Variants in VPS13B observed in about 807,000 individuals in gnomAD.
VPS13B encodes vacuolar protein sorting 13 homolog B.
In VPS13B, 285 loss-of-function variants were observed where a neutral mutation model predicts 426.4. The observed-to-expected ratio is 0.67, with a 90% CI of 0.61 to 0.74. The LOEUF (loss-of-function observed/expected upper bound fraction) is 0.74, where lower values mean the gene tolerates loss of function less well. Ranked by LOEUF, VPS13B falls within the 30% of genes least tolerant of loss-of-function variation. The pLI, the probability that VPS13B is intolerant of heterozygous loss-of-function variation, is 0.00. For missense variants in VPS13B, 4,537 were observed against 4,782.6 expected (o/e 0.95, Z 1.51); for synonymous variants, 1,676 against 1,676.4 (o/e 1.00, Z 0.01).
intron 23 of VPS13B, among the ~76,000 whole-genome samples, chr8:99,448,121 T>TTTTTTTTATTTA (rs370691071): frequency 2.8e-5 from 4 of 141,788 alleles, no homozygotes; most frequent in Non-Finnish European, 4.6e-5. Context: ...GTGGTTTTAT[T>TTTTTTTTATTTA]TTTATTTATT....
chr8:99,515,231 T>G (rs1821994599), intron 29 of VPS13B, among the ~76,000 whole-genome samples: 1 of 152,258 alleles, frequency 6.6e-6, no homozygotes, highest in South Asian at 2.1e-4. Context: ...TTGGGCTTAT[T>G]GTGTTATAAA....
At position 99,054,135 on chromosome 8, in the gene VPS13B, A is replaced by G. The variant is rs537597316; in HGVS notation, c.291+15569A>G. Among the ~76,000 whole-genome samples the G allele has an allele frequency of 2.6e-5, 4 of 152,356 alleles. No homozygotes were observed. In the South Asian group the frequency reaches 8.3e-4, roughly 32 times the overall value. Reference sequence around the variant, plus strand: ...TATTGAGTATAATGCTACAATGAACATGGGTGTGCAAATCTCTCTTTGAGA... The same window carrying G: ...TATTGAGTATAATGCTACAATGAACGTGGGTGTGCAAATCTCTCTTTGAGA... On this transcript the variant is annotated intron_variant, in intron 3 of 61. Transcript: ENST00000357162.
At chr8:99,212,801 G>A (rs1588145265) in intron 17 of VPS13B, among the ~76,000 whole-genome samples, 1 of 152,122 alleles carries the variant, frequency 6.6e-6, no homozygotes, top group African/African-American at 2.4e-5. Context: ...TTCTACCAAT[G>A]TATGTAGCTC....
At chr8:99,389,008 GC>G (rs1283511404) in intron 20 of VPS13B, among the ~76,000 whole-genome samples, 2 of 152,262 alleles carry the variant, frequency 1.3e-5, no homozygotes, top group African/African-American at 4.8e-5. Context: ...CGTTAGCTGG[GC>G]GCAGTGGCAG....
At chr8:99,383,588 C>T (rs1190498336) in intron 19 of VPS13B, among the ~76,000 whole-genome samples, 2 of 152,142 alleles carry the variant, frequency 1.3e-5, no homozygotes, top group Admixed American at 6.5e-5. Context: ...TTTTATCACT[C>T]TCAAACCACA....
intron 17 of VPS13B, among the ~76,000 whole-genome samples, chr8:99,230,663 C>T (rs983468635): frequency 2.6e-5 from 4 of 152,150 alleles, no homozygotes; most frequent in Non-Finnish European, 4.4e-5. Flanking sequence ...CTCTGTAGAA[C>T]GGGGAACACC....
At chr8:99,026,589 G>T (rs1842148241) in intron 2 of VPS13B, among the ~76,000 whole-genome samples, 1 of 152,080 alleles carries the variant, frequency 6.6e-6, no homozygotes, top group Non-Finnish European at 1.5e-5. Flanking sequence ...TCTCTCTTTA[G>T]ATCTAATAAT....
At chr8:99,289,094 A>G (rs1819592779) in intron 19 of VPS13B, among the ~76,000 whole-genome samples, 1 of 151,974 alleles carries the variant, frequency 6.6e-6, no homozygotes, top group Non-Finnish European at 1.5e-5. Context: ...AAAGAAAGAA[A>G]GAAAAAGAAA....
At chr8:99,086,210 G>A (rs1163470888) in intron 3 of VPS13B, among the ~76,000 whole-genome samples, 2 of 151,874 alleles carry the variant, frequency 1.3e-5, no homozygotes, top group East Asian at 1.9e-4. Context: ...TCATTCATTT[G>A]ATCTCCCATC....
chr8:99,817,644 G>C lies in VPS13B; in HGVS notation c.8202G>C (p.Arg2734=), dbSNP rs759728712. The C allele has an allele frequency of 1.1e-5, 17 of 1,613,894 alleles. No individual in the cohort carries two copies. The East Asian group carries it at 3.3e-4, about 32-fold the overall frequency. The change falls in exon 45 of 62, where the codon CGG becomes CGC. Residue 2734 remains arginine (R), a synonymous_variant. Coordinates refer to ENST00000357162, the MANE Select transcript of VPS13B (RefSeq NM_152564.5). ...YIGQDGQAVV[R]EHFDCLTAKQ... ...GTCAAGATGGACAAGCTGTAGTTCG[G>C]GAACATTTTGACTGCCTCACAGCCA... is the stretch of plus-strand genomic sequence containing the variant.
intron 19 of VPS13B, among the ~76,000 whole-genome samples, chr8:99,277,358 C>G (rs1163549431): frequency 6.6e-6 from 1 of 152,092 alleles, no homozygotes; most frequent in Non-Finnish European, 1.5e-5. Flanking sequence ...CACCTTACAA[C>G]TGCCACCCAC....
chr8:99,607,890 A>G (rs1400983674), intron 33 of VPS13B, among the ~76,000 whole-genome samples: 1 of 152,142 alleles, frequency 6.6e-6, no homozygotes, highest in African/African-American at 2.4e-5. Flanking sequence ...TATATTTTTC[A>G]AAACAAAAAC....
chr8:99,742,299 C>A (rs908709752), intron 39 of VPS13B, among the ~76,000 whole-genome samples: 10 of 152,136 alleles, frequency 6.6e-5, no homozygotes, highest in Non-Finnish European at 1.3e-4. Flanking sequence ...TCTGAATAGA[C>A]CAATAACAGG....
intron 51 of VPS13B, among the ~76,000 whole-genome samples, chr8:99,828,606 T>C (rs7844563): frequency 0.37 from 55,567 of 151,498 alleles, 10,392 homozygotes; most frequent in East Asian, 0.47. Flanking sequence ...CATTTAAAGT[T>C]AATATTGTTA....
intron 13 of VPS13B, among the ~76,000 whole-genome samples, chr8:99,144,061 G>C (rs996303496): frequency 1.3e-5 from 2 of 151,966 alleles, no homozygotes; most frequent in African/African-American, 4.8e-5. Context: ...GTATGGGCTG[G>C]ACCTGCCATT....
chr8:99,142,333 A>C (rs1294126493), intron 12 of VPS13B, among the ~76,000 whole-genome samples: 1 of 152,228 alleles, frequency 6.6e-6, no homozygotes, highest in African/African-American at 2.4e-5. Context: ...TGTATACAAA[A>C]AACCTCTCAT....
At chr8:99,682,488 A>T (rs1197972519) in intron 35 of VPS13B, among the ~76,000 whole-genome samples, 2 of 152,210 alleles carry the variant, frequency 1.3e-5, no homozygotes, top group African/African-American at 4.8e-5. Context: ...CCCAGTACAT[A>T]GCTTCTCTTT....
chr8:99,859,341 TGCAA>T lies in VPS13B; in HGVS notation c.10908_10911del (p.Ser3637TrpfsTer2). 1 of 1,613,994 alleles carries T rather than the reference TGCAA, an allele frequency of 6.2e-7. No individual in the cohort carries two copies. Among genetic ancestry groups the T allele is most frequent in the Non-Finnish European group, 8.5e-7 (1 of 1,179,982 alleles). ...GGTCTCTGGATATTCTTGGCAGCCC[TGCAA>T]GCCTGGTGAGAAGCATCGGGAACGG... On this transcript the variant is annotated frameshift_variant, in exon 57 of 62. Transcript: ENST00000357162. LOFTEE classifies it high-confidence loss of function.
chr8:99,212,711 A>AT (rs1815161842), intron 17 of VPS13B, among the ~76,000 whole-genome samples: 1 of 152,002 alleles, frequency 6.6e-6, no homozygotes, highest in African/African-American at 2.4e-5. Context: ...CATCATGAAG[A>AT]ATCTTAAGTG....
Sources: gnomAD v4.1 joint callset for allele counts (sites outside exome capture counted in the v4.1 genomes callset) on GRCh38, gnomAD v4.1.1 for gene constraint, MANE v1.5 for transcripts, NCBI Gene and HGNC (gene_info 2026-07-23, HGNC 2026-07-21) for gene names.